PIEZO2: variants seen among roughly 807,000 people sequenced by gnomAD.
PIEZO2 encodes piezo-type mechanosensitive ion channel component 2.
A neutral mutation model predicts 337.3 loss-of-function variants in PIEZO2; 172 were observed. That is an observed-to-expected ratio of 0.51 (90% CI 0.45 to 0.58). The LOEUF is 0.58. Ranked by LOEUF, PIEZO2 falls within the 20% of genes least tolerant of loss-of-function variation. The pLI is 0.00. For synonymous variants in PIEZO2, 1,251 were observed against 1,228.5 expected, an observed-to-expected ratio of 1.02 and a Z score of -0.38; for missense variants, 3,028 against 3,391.3, an observed-to-expected ratio of 0.89 and a Z score of 2.66.
chr18:10,733,594 G>A (rs1323350994), intron 35 of PIEZO2, among the ~76,000 whole-genome samples: 2 of 151,874 alleles, frequency 1.3e-5, no homozygotes, highest in South Asian at 2.1e-4. Context: ...GACTACAGGC[G>A]CCTGCCACCA....
At chr18:10,679,497 A>G (rs554172639) in intron 52 of PIEZO2, among the ~76,000 whole-genome samples, 4 of 150,794 alleles carry the variant, frequency 2.7e-5, no homozygotes, top group African/African-American at 9.7e-5. Context: ...TACATTCAAA[A>G]TTTTTTTTGC....
At chr18:10,732,251 T>C (rs986311519) in intron 35 of PIEZO2, among the ~76,000 whole-genome samples, 4 of 152,064 alleles carry the variant, frequency 2.6e-5, no homozygotes, top group African/African-American at 9.7e-5. Flanking sequence ...AAAGAAAACC[T>C]TGATAGAAAA....
chr18:10,854,106 T>A lies in PIEZO2; in HGVS notation c.917+1247A>T, dbSNP rs1187445995. On this transcript the variant is annotated intron_variant, in intron 7 of 55. Coordinates refer to ENST00000674853, the MANE Select transcript of PIEZO2 (RefSeq NM_001378183.1). This position sits in a 1 kb window ranked among gnomAD's most constrained non-coding sequence, Gnocchi z 4.6. ...AGACCCATTCATTTGCCTTGCAGAA[T>A]CCACATTTTGAATTCTTTTGATTGT... is the stretch of plus-strand genomic sequence containing the variant. Among the ~76,000 whole-genome samples, 1 of 152,194 alleles carries A rather than the reference T, an allele frequency of 6.6e-6. No individual in the cohort carries two copies. Among genetic ancestry groups the A allele is most frequent in the Non-Finnish European group, 1.5e-5 (1 of 68,032 alleles).
rs951246109 is a variant in PIEZO2 at position 11,126,277 on chromosome 18, C to T, written c.64+22248G>A. Among the ~76,000 whole-genome samples the T allele has an allele frequency of 3.3e-5, 5 of 152,156 alleles. No homozygotes were observed. The highest frequency in any genetic ancestry group is 1.9e-4 in the East Asian group (1 of 5,194). On this transcript the variant is annotated intron_variant, in intron 1 of 55. Coordinates refer to ENST00000674853, the MANE Select transcript of PIEZO2 (RefSeq NM_001378183.1). The surrounding 1 kb of genome is among the most constrained non-coding windows in gnomAD (Gnocchi z 4.6). ...GTTTTGTTTATTATTTTCCAGAAAT[C>T]GGTTTTGGTGGTGAGGAATGATCTG...
rs191462582 is a variant in PIEZO2, at chr18:10,866,684, C to T, written c.492+4569G>A. Among the ~76,000 whole-genome samples, 7 of 152,160 alleles carry T rather than the reference C, an allele frequency of 4.6e-5. 1 individual carries two copies. The highest frequency in any genetic ancestry group is 4.6e-4 in the Admixed American group (7 of 15,286). On this transcript the variant is annotated intron_variant, in intron 5 of 55. Transcript: ENST00000674853. ...GACAGGATGAGTGGGCATCCATGCT[C>T]TCACCTGGTGACCAGGGATGTGGCT...
rs1298391351 is a variant in PIEZO2, at chr18:10,672,947, T to G, written c.8162-74A>C. ...TTCATGCACAGCAACAGTTTTCAGA[T>G]GGCAAAATCTGGTTACTAACTATAG... is the stretch of plus-strand genomic sequence containing the variant. On this transcript the variant is annotated intron_variant, in intron 54 of 55. Transcript: ENST00000674853. The surrounding 1 kb of genome is among the most constrained non-coding windows in gnomAD (Gnocchi z 4.7). 8.3e-7 allele frequency: 1 copy of G among 1,206,794 alleles called. No individual in the cohort carries two copies. Among genetic ancestry groups the G allele is most frequent in the Non-Finnish European group, 1.2e-6 (1 of 846,136 alleles). The allele number at this position is 1,206,794 out of a possible 1,614,324, so 74.8% of individuals were successfully genotyped here.
At position 10,952,132 on chromosome 18, in the gene PIEZO2, C is replaced by T. The variant is rs976102200; in HGVS notation, c.286+27403G>A. Among the ~76,000 whole-genome samples the T allele has an allele frequency of 6.6e-6, 1 of 152,144 alleles. No homozygotes were observed. ...AGAATCTACTGCTCTGATCTCTCTA[C>T]TCTTCAGTAGAGCCCCCAAAACAAA... On this transcript the variant is annotated intron_variant, in intron 3 of 55. Transcript: ENST00000674853. This position sits in a 1 kb window ranked among gnomAD's most constrained non-coding sequence, Gnocchi z 4.1.
chr18:11,042,752 T>TG (rs1487171229), intron 2 of PIEZO2, among the ~76,000 whole-genome samples: 4 of 152,138 alleles, frequency 2.6e-5, no homozygotes, highest in African/African-American at 7.2e-5. Flanking sequence ...CATACACCTT[T>TG]GGGGGGCAGG....
rs780289172 is a variant in PIEZO2 at position 10,759,215 on chromosome 18, GTGTGTGTGTGTGTT to G, written c.3757+253_3757+266del. 2.9e-4 allele frequency among the ~76,000 whole-genome samples: 42 copies of G among 146,518 alleles called. No individual in the cohort carries two copies. Among genetic ancestry groups the G allele is most frequent in the Admixed American group, 3.3e-4 (5 of 15,052 alleles). ...GGTGGCTGTGTAAATGTGTGTGTGT[GTGTGTGTGTGTGTT>G]TGTGTGTGTGTGTTGGGGGAAGTGA... On this transcript the variant is annotated intron_variant, in intron 26 of 55. Transcript: ENST00000674853. The surrounding 1 kb of genome is among the most constrained non-coding windows in gnomAD (Gnocchi z 5.5).
intron 2 of PIEZO2, among the ~76,000 whole-genome samples, chr18:11,007,248 G>C (rs1291594198): frequency 6.6e-6 from 1 of 152,150 alleles, no homozygotes; most frequent in East Asian, 1.9e-4. Context: ...AGTCATAACA[G>C]ACTCACTTAA....
chr18:10,859,871 G>A lies in PIEZO2; in HGVS notation c.493-2660C>T, dbSNP rs1230450588. On this transcript the variant is annotated intron_variant, in intron 5 of 55. Transcript: ENST00000674853. The surrounding 1 kb of genome is among the most constrained non-coding windows in gnomAD (Gnocchi z 4.9). Reference sequence around the variant, plus strand: ...GGGAGGTGGTGGCTGTGCTGGAGGAGAGGGGAGGGAGTGGTGGGGCTGAAG... The same window carrying A: ...GGGAGGTGGTGGCTGTGCTGGAGGAAAGGGGAGGGAGTGGTGGGGCTGAAG... Among the ~76,000 whole-genome samples the A allele has an allele frequency of 6.6e-6, 1 of 152,182 alleles. No homozygotes were observed. Among genetic ancestry groups the A allele is most frequent in the Non-Finnish European group, 1.5e-5 (1 of 68,040 alleles).
chr18:10,823,612 T>G (rs2040584226), intron 7 of PIEZO2, among the ~76,000 whole-genome samples: 1 of 152,220 alleles, frequency 6.6e-6, no homozygotes, highest in Admixed American at 6.5e-5. Flanking sequence ...ATGGCCTTCC[T>G]TAAATGGAAA....
rs151054192 is a variant in PIEZO2, at chr18:10,866,510, A to C, written c.492+4743T>G. Among the ~76,000 whole-genome samples the C allele has an allele frequency of 4.8e-3, 731 of 152,180 alleles. 3 individuals are homozygous for C. The highest frequency in any genetic ancestry group is 6.6e-3 in the Non-Finnish European group (452 of 68,000). ...CTGTGTTAGCCAGGATGGTCTCAAT[A>C]TCCCGACCTCGTGATCTGCCCACCT... On this transcript the variant is annotated intron_variant, in intron 5 of 55. Coordinates refer to ENST00000674853, the MANE Select transcript of PIEZO2 (RefSeq NM_001378183.1).
intron 1 of PIEZO2, among the ~76,000 whole-genome samples, chr18:11,100,886 T>C (rs35350987): frequency 0.14 from 21,703 of 152,160 alleles, 2,074 homozygotes; most frequent in African/African-American, 0.25. Flanking sequence ...TGAGCCACCG[T>C]GCCTGGCCCA....
In PIEZO2 at chr18:11,139,078, A is replaced by T. The variant is rs1237400833; in HGVS notation, c.64+9447T>A. Among the ~76,000 whole-genome samples, 3 of 152,334 alleles carry T rather than the reference A, an allele frequency of 2.0e-5. No homozygotes were observed. In the East Asian group the frequency reaches 5.8e-4, roughly 29 times the overall value. On this transcript the variant is annotated intron_variant, in intron 1 of 55. Coordinates refer to ENST00000674853, the MANE Select transcript of PIEZO2 (RefSeq NM_001378183.1). ...CTTCTGTATCTGGAGCTATTCATAA[A>T]AGCAACTATTTATTGAGTATTTACC...
chr18:10,704,675 A>G (rs1388942454), intron 41 of PIEZO2, 23 bp from the exon 42 acceptor site: 2 of 1,526,392 alleles, frequency 1.3e-6, no homozygotes, highest in African/African-American at 1.4e-5. Context: ...ACCACATGAT[A>G]ATATGTCTAT....
rs2036603827 is a variant in PIEZO2 at position 11,028,216 on chromosome 18, C to T, written c.160+37911G>A. Among the ~76,000 whole-genome samples, 1 of 152,122 alleles carries T rather than the reference C, an allele frequency of 6.6e-6. No individual in the cohort carries two copies. The highest frequency in any genetic ancestry group is 1.5e-5 in the Non-Finnish European group (1 of 68,008). The stretch of plus-strand genomic sequence containing the variant: ...GAAGCTAGGCTTTTCTGTACATCGC[C>T]TTCTTTCTTTTCTTTTCTTTTCTTC... On this transcript the variant is annotated intron_variant, in intron 2 of 55. Coordinates refer to ENST00000674853, the MANE Select transcript of PIEZO2 (RefSeq NM_001378183.1). This position sits in a 1 kb window ranked among gnomAD's most constrained non-coding sequence, Gnocchi z 4.8.
In PIEZO2 at chr18:10,942,481, C is replaced by T. The variant is rs264159; in HGVS notation, c.287-31253G>A. ...TTTTAGCAAAGCGACTGGCAGCATT[C>T]TGCCCCTGCCCTAGAGATTTGTGGA... is the stretch of plus-strand genomic sequence containing the variant. On this transcript the variant is annotated intron_variant, in intron 3 of 55. Transcript: ENST00000674853. This position sits in a 1 kb window ranked among gnomAD's most constrained non-coding sequence, Gnocchi z 4.4. Among the ~76,000 whole-genome samples, 88,025 of 151,920 alleles carry T rather than the reference C, an allele frequency of 0.58. 25,836 individuals are homozygous for T. Among genetic ancestry groups the T allele is most frequent in the African/African-American group, 0.63 (25,880 of 41,404 alleles).
intron 7 of PIEZO2, among the ~76,000 whole-genome samples, chr18:10,808,681 A>C (rs2040076403): frequency 6.6e-6 from 1 of 152,196 alleles, no homozygotes; most frequent in Non-Finnish European, 1.5e-5. Context: ...TTATTTTTGG[A>C]GTTAGCATTT....
Sources: gnomAD v4.1 joint callset for allele counts (sites outside exome capture counted in the v4.1 genomes callset) on GRCh38, gnomAD v4.1.1 for gene constraint, Gnocchi (gnomAD v3.1) non-coding constraint, MANE v1.5 for transcripts, NCBI Gene and HGNC (gene_info 2026-07-23, HGNC 2026-07-21) for gene names.